Variants in EMC1 observed in about 807,000 individuals in gnomAD.
EMC1 encodes the protein KIAA0090.
EMC1 carries 103 observed loss-of-function variants against 128.8 expected under a neutral mutation model. The observed-to-expected ratio is 0.80, with a 90% CI of 0.68 to 0.94. EMC1 has a LOEUF of 0.94. EMC1 is among the 40% of genes least tolerant of loss of function. The pLI is 0.00. For missense variants in EMC1, 1,083 were observed against 1,250.6 expected (o/e 0.87, Z 2.02); for synonymous variants, 442 against 490.4 (o/e 0.90, Z 1.30).
At chr1:19,250,501 T>C (rs1351059648) in intron 1 of EMC1, among the ~76,000 whole-genome samples, 1 of 152,224 alleles carries the variant, frequency 6.6e-6, no homozygotes, top group Non-Finnish European at 1.5e-5. Flanking sequence ...ACATGTTTTA[T>C]TTGTCACACT....
chr1:19,225,403 G>A (rs1290972116), intron 18 of EMC1, among the ~76,000 whole-genome samples: 1 of 152,150 alleles, frequency 6.6e-6, no homozygotes, highest in Admixed American at 6.5e-5. Context: ...TGTAATCCCA[G>A]CACTTAGGGA....
intron 12 of EMC1, 39 bp from the exon 13 acceptor site, chr1:19,235,291 G>T: frequency 6.3e-7 from 1 of 1,593,706 alleles, no homozygotes; most frequent in Admixed American, 1.7e-5. Flanking sequence ...CCTGGGGCTG[G>T]GCACAGTGGC....
chr1:19,236,967 C>CA (rs35897979), intron 12 of EMC1, among the ~76,000 whole-genome samples, 175 bp downstream of exon 12: 1,598 of 57,082 alleles, frequency 0.028, 27 homozygotes, highest in East Asian at 0.043. Flanking sequence ...GACTCTATCT[C>CA]AAAAAAAAAA....
At chr1:19,239,536 G>C in intron 8 of EMC1, 1 of 585,452 alleles carries the variant, frequency 1.7e-6, no homozygotes, top group Non-Finnish European at 3.0e-6. Flanking sequence ...ATCCCATGCT[G>C]CTTGTTCTTA....
chr1:19,219,435 G>GC lies in EMC1; in HGVS notation c.2849_2850insG (p.Lys951GlnfsTer4). Reference sequence around the variant, plus strand: ...CATCCTTCAGAACGTCAAACTGCTTGGATGGGTAGACTCGAGTTTGGTAAA... The same window carrying GC: ...CATCCTTCAGAACGTCAAACTGCTTGCGATGGGTAGACTCGAGTTTGGTAAA... On this transcript the variant is annotated frameshift_variant, in exon 23 of 23. Coordinates refer to ENST00000477853, the MANE Select transcript of EMC1 (RefSeq NM_015047.3). LOFTEE classifies it high-confidence loss of function. 6.2e-7 allele frequency: 1 copy of GC among 1,613,912 alleles called. No homozygotes were observed. Among genetic ancestry groups the GC allele is most frequent in the Non-Finnish European group, 8.5e-7 (1 of 1,180,002 alleles).
At chr1:19,247,835 G>A (rs567548984) in intron 1 of EMC1, among the ~76,000 whole-genome samples, 3 of 152,222 alleles carry the variant, frequency 2.0e-5, no homozygotes, top group African/African-American at 7.2e-5. Context: ...GAACAGCCTG[G>A]CCAACATGGT....
At chr1:19,251,082 G>T (rs2093656920) in intron 1 of EMC1, among the ~76,000 whole-genome samples, 1 of 152,160 alleles carries the variant, frequency 6.6e-6, no homozygotes, top group African/African-American at 2.4e-5. Context: ...CTGACACCTG[G>T]TAGACCAGAA....
At chr1:19,245,139 C>T (rs9426799) in intron 1 of EMC1, 109 bp from the exon 2 acceptor site, 16,843 of 1,272,898 alleles carry the variant, frequency 0.013, 417 homozygotes, top group African/African-American at 0.1. Flanking sequence ...TTTTAGGACA[C>T]ATAAGACGTG....
intron 8 of EMC1, 101 bp downstream of exon 8, chr1:19,239,717 G>A (rs1553253838): frequency 8.0e-7 from 1 of 1,249,780 alleles, no homozygotes; most frequent in Non-Finnish European, 1.1e-6. Context: ...TCAATCTTGG[G>A]CCTAAGAGCA....
At chr1:19,233,350 T>G (rs2093538899) in intron 13 of EMC1, among the ~76,000 whole-genome samples, 1 of 152,194 alleles carries the variant, frequency 6.6e-6, no homozygotes, top group South Asian at 2.1e-4. Flanking sequence ...TAACTGGCTC[T>G]TAACAACTAA....
At chr1:19,243,266 T>C (rs1161971207) in intron 4 of EMC1, among the ~76,000 whole-genome samples, 2 of 152,056 alleles carry the variant, frequency 1.3e-5, no homozygotes, top group East Asian at 3.9e-4. Context: ...TAAACAACTT[T>C]AGCAAAGATG....
At chr1:19,235,878 G>A (rs2093559514) in intron 12 of EMC1, among the ~76,000 whole-genome samples, 1 of 152,004 alleles carries the variant, frequency 6.6e-6, no homozygotes. Flanking sequence ...GGGCAACAGT[G>A]AGACCTTGTC....
intron 20 of EMC1, chr1:19,221,738 A>G (rs2093433453): frequency 6.6e-6 from 1 of 151,896 alleles, no homozygotes; most frequent in Non-Finnish European, 1.5e-5. Context: ...CCTGTTAACC[A>G]CTAAGTCCTA....
intron 8 of EMC1, 107 bp from the exon 9 acceptor site, chr1:19,239,409 GCTCCC>G: frequency 2.1e-6 from 2 of 942,756 alleles, no homozygotes; most frequent in Non-Finnish European, 1.7e-6. Flanking sequence ...AGTTGAAAGT[GCTCCC>G]CACTTTGGAG....
chr1:19,243,772 TG>T (rs2093618938), intron 3 of EMC1, 65 bp from the exon 4 acceptor site: 1 of 1,542,648 alleles, frequency 6.5e-7, no homozygotes, highest in African/African-American at 1.4e-5. Flanking sequence ...AGGGTCCCAC[TG>T]TGAGCAGTGG....
At chr1:19,225,364 A>G (rs1405606810) in intron 18 of EMC1, among the ~76,000 whole-genome samples, 2 of 152,184 alleles carry the variant, frequency 1.3e-5, no homozygotes, top group African/African-American at 4.8e-5. Context: ...AGAAAATAAA[A>G]TAAGTGCCTG....
In EMC1 at chr1:19,231,261, C is replaced by G; in HGVS notation, c.1944G>C (p.Lys648Asn). The G allele has an allele frequency of 1.9e-6, 3 of 1,596,174 alleles. No individual in the cohort carries two copies. The highest frequency in any genetic ancestry group is 2.6e-6 in the Non-Finnish European group (3 of 1,175,698). Residue 648 changes from lysine (K) to asparagine (N), a missense_variant and splice_region_variant, in exon 16 of 23, where the codon AAG (lysine) becomes AAC (asparagine). Physicochemically the swap from Lys to Asn is moderately conservative, Grantham distance 94. Transcript: ENST00000477853. ...TCTCCATCCCCTCTGAAGACAGTAC[C>G]TTGTATTCATCATCTATCAACAGCA... ...KVLLLIDDEY[K>N]VTAFPATRNV...
At chr1:19,244,752 TG>T in intron 2 of EMC1, 153 bp downstream of exon 2, 1 of 758,524 alleles carries the variant, frequency 1.3e-6, no homozygotes, top group Non-Finnish European at 2.1e-6. Flanking sequence ...TATTCAAAGA[TG>T]GTAAGACTGA....
intron 12 of EMC1, among the ~76,000 whole-genome samples, chr1:19,235,529 C>CA (rs1453630284): frequency 3.3e-5 from 5 of 151,988 alleles, no homozygotes; most frequent in Admixed American, 2.6e-4. Flanking sequence ...GGTGAAACCC[C>CA]TCTCTACTAA....
Sources: allele counts gnomAD v4.1 joint callset (sites outside exome capture counted in the v4.1 genomes callset), GRCh38; gene constraint gnomAD v4.1.1; transcripts MANE v1.5; gene names NCBI Gene and HGNC (gene_info 2026-07-23, HGNC 2026-07-21).